Variants in DPP10 observed in about 807,000 individuals in gnomAD.
The protein encoded by DPP10 is dipeptidyl peptidase like 10.
In DPP10, 33 loss-of-function variants were observed where a neutral mutation model predicts 120.9. The observed-to-expected ratio is 0.27, with a 90% confidence interval of 0.21 to 0.37. The LOEUF (loss-of-function observed/expected upper bound fraction) is 0.37. Ranked by LOEUF, DPP10 falls within the 10% of genes least tolerant of loss-of-function variation. The pLI, the probability that DPP10 is intolerant of heterozygous loss-of-function variation, is 1.00. For synonymous variants in DPP10, 337 were observed against 326.1 expected (o/e 1.03, Z -0.36); for missense variants, 816 against 942.8 (o/e 0.87, Z 1.76).
At chr2:114,663,382 C>T (rs770618071) in intron 1 of DPP10, among the ~76,000 whole-genome samples, 2 of 150,352 alleles carry the variant, frequency 1.3e-5, no homozygotes, top group African/African-American at 2.4e-5. Context: ...AATAATCCAT[C>T]TTCCCCTTGT....
chr2:114,837,857 C>G (rs1687864032), intron 1 of DPP10, among the ~76,000 whole-genome samples: 1 of 152,172 alleles, frequency 6.6e-6, no homozygotes, highest in Admixed American at 6.5e-5. Flanking sequence ...GTGACAATGT[C>G]CATCTATTGC....
intron 21 of DPP10, among the ~76,000 whole-genome samples, chr2:115,822,081 G>A (rs1215414327): frequency 1.3e-5 from 2 of 151,864 alleles, no homozygotes; most frequent in Admixed American, 1.3e-4. Flanking sequence ...TGAATAGTGG[G>A]ATTTATTTTA....
intron 10 of DPP10, among the ~76,000 whole-genome samples, chr2:115,749,653 G>A (rs771247841): frequency 6.6e-6 from 1 of 152,182 alleles, no homozygotes; most frequent in Non-Finnish European, 1.5e-5. Flanking sequence ...GTAATGCATA[G>A]TTATTAACAG....
chr2:115,379,163 C>T (rs1247210586), intron 3 of DPP10, among the ~76,000 whole-genome samples: 1 of 152,196 alleles, frequency 6.6e-6, no homozygotes, highest in Non-Finnish European at 1.5e-5. Context: ...TAGAATTCAG[C>T]TGTGAATCCA....
intron 3 of DPP10, among the ~76,000 whole-genome samples, chr2:115,455,786 C>T (rs1038025636): frequency 3.9e-5 from 6 of 152,118 alleles, no homozygotes; most frequent in Admixed American, 2.0e-4. Flanking sequence ...GAAAGTGGAT[C>T]ACTTCCTTTC....
At chr2:115,057,517 C>T (rs1180899690) in intron 1 of DPP10, among the ~76,000 whole-genome samples, 1 of 152,124 alleles carries the variant, frequency 6.6e-6, no homozygotes, top group Non-Finnish European at 1.5e-5. Context: ...CAACCAGAGG[C>T]TCAGTGGATT....
intron 1 of DPP10, among the ~76,000 whole-genome samples, chr2:115,102,033 G>C (rs1260089120): frequency 1.3e-5 from 2 of 152,244 alleles, no homozygotes; most frequent in African/African-American, 4.8e-5. Context: ...GTATTAGTCT[G>C]CTAGGGCTGC....
chr2:114,498,651 T>C (rs1682886804), intron 1 of DPP10, among the ~76,000 whole-genome samples: 1 of 152,106 alleles, frequency 6.6e-6, no homozygotes, highest in African/African-American at 2.4e-5. Flanking sequence ...AGGGAGGAAA[T>C]TGGGCCAAAC....
intron 1 of DPP10, among the ~76,000 whole-genome samples, chr2:114,743,794 G>T (rs1313640766): frequency 6.6e-6 from 1 of 151,722 alleles, no homozygotes; most frequent in East Asian, 1.9e-4. Context: ...GAGCCACATG[G>T]GAAGTGCTTA....
chr2:115,400,504 A>G (rs1348203098), intron 3 of DPP10, among the ~76,000 whole-genome samples: 2 of 151,982 alleles, frequency 1.3e-5, no homozygotes, highest in East Asian at 1.9e-4. Flanking sequence ...CTTCAGTTCA[A>G]ATATGTTTAA....
intron 1 of DPP10, among the ~76,000 whole-genome samples, chr2:114,734,174 A>T (rs188256013): frequency 6.8e-4 from 103 of 152,290 alleles, no homozygotes; most frequent in Non-Finnish European, 8.2e-4. Flanking sequence ...CTTTTATGGG[A>T]AAAACCCACA....
In DPP10 at chr2:114,912,124, A is replaced by T. The variant is rs117441094; in HGVS notation, c.61-397115A>T. 5.3e-4 allele frequency among the ~76,000 whole-genome samples: 81 copies of T among 152,272 alleles called. No individual in the cohort carries two copies. The East Asian group carries it at 0.015, about 28-fold the overall frequency. On this transcript the variant is annotated intron_variant, in intron 1 of 25. Transcript: ENST00000410059. The stretch of plus-strand genomic sequence containing the variant: ...ATTATTTTATCCTCATCTTAGATAC[A>T]TACATTTGCACTCACACACACACAC...
At chr2:115,341,005 T>C (rs1174526719) in intron 2 of DPP10, among the ~76,000 whole-genome samples, 1 of 152,048 alleles carries the variant, frequency 6.6e-6, no homozygotes, top group Non-Finnish European at 1.5e-5. Context: ...ATTTTGAAAC[T>C]TATCTATATC....
At chr2:115,266,602 C>T (rs1337713324) in intron 1 of DPP10, among the ~76,000 whole-genome samples, 3 of 152,262 alleles carry the variant, frequency 2.0e-5, no homozygotes, top group Middle Eastern at 3.4e-3. Flanking sequence ...TTCCAAGCAT[C>T]CAATGTATGT....
At chr2:114,496,435 A>G (rs961571556) in intron 1 of DPP10, among the ~76,000 whole-genome samples, 2 of 152,132 alleles carry the variant, frequency 1.3e-5, no homozygotes, top group Non-Finnish European at 2.9e-5. Context: ...GAAGGCTGAG[A>G]AGTCCAAGAT....
Position 115,499,492 on chromosome 2 carries a change from A to T in DPP10, c.272-18A>T. ...TAGTCAATGTATTTGTCAATTGTGA[A>T]TGTCTTTGTTGTTGCAGATACAGAT... is the stretch of plus-strand genomic sequence containing the variant. On this transcript the variant is annotated intron_variant, in intron 3 of 25. Transcript: ENST00000410059. 1.3e-6 allele frequency: 2 copies of T among 1,590,636 alleles called. No homozygotes were observed. The highest frequency in any genetic ancestry group is 1.7e-6 in the Non-Finnish European group (2 of 1,163,732).
intron 1 of DPP10, among the ~76,000 whole-genome samples, chr2:114,652,250 G>T (rs540556736): frequency 1.3e-5 from 2 of 152,262 alleles, no homozygotes; most frequent in African/African-American, 4.8e-5. Context: ...ATCCAGTTTT[G>T]ATAAGTCTGG....
At chr2:115,152,099 T>A (rs2051597497) in intron 1 of DPP10, among the ~76,000 whole-genome samples, 1 of 152,228 alleles carries the variant, frequency 6.6e-6, no homozygotes, top group Admixed American at 6.5e-5. Context: ...GAAAACATTT[T>A]GAGCATGACA....
At chr2:115,764,848 G>T (rs1031361970) in intron 12 of DPP10, among the ~76,000 whole-genome samples, 7 of 152,016 alleles carry the variant, frequency 4.6e-5, no homozygotes, top group Non-Finnish European at 1.0e-4. Context: ...ATAAGAAGCA[G>T]CAAATTTCTA....
Sources: gnomAD v4.1 joint callset for allele counts (sites outside exome capture counted in the v4.1 genomes callset) on GRCh38, gnomAD v4.1.1 for gene constraint, MANE v1.5 for transcripts, NCBI Gene and HGNC (gene_info 2026-07-23, HGNC 2026-07-21) for gene names.